HCAR1: variants seen among roughly 807,000 people sequenced by gnomAD.
HCAR1 encodes the protein G protein-coupled receptor 104.
For missense variants in HCAR1, 445 were observed against 448.7 expected, an observed-to-expected ratio of 0.99 and a Z score of 0.07; for synonymous variants, 183 against 182.1, an observed-to-expected ratio of 1.01 and a Z score of -0.04.
Position 122,730,394 on chromosome 12 carries a change from G to A in HCAR1, c.-55C>T. 2 of 1,372,018 alleles carry A rather than the reference G, an allele frequency of 1.5e-6. No individual in the cohort carries two copies. Among genetic ancestry groups the A allele is most frequent in the South Asian group, 1.4e-5 (1 of 69,628 alleles). 85.0% of individuals were successfully genotyped at this position (1,372,018 alleles called of 1,614,324 possible). A position where few individuals can be genotyped will look rare whatever the true frequency, so the allele number is the denominator to read the frequency against. On this transcript the variant is annotated 5_prime_UTR_variant, in exon 1 of 1. Coordinates refer to ENST00000432564, the MANE Select transcript of HCAR1 (RefSeq NM_032554.4). ...GAGCAGCCCAGGGAGTCCCCACAATGGCACAGATGCTTATCTGAGCGTTAG... is the reference window on the plus strand; with the variant it reads ...GAGCAGCCCAGGGAGTCCCCACAATAGCACAGATGCTTATCTGAGCGTTAG...
chr12:122,730,200 C>G lies in HCAR1; in HGVS notation c.140G>C (p.Trp47Ser). 1 of 1,614,180 alleles carries G rather than the reference C, an allele frequency of 6.2e-7. No homozygotes were observed. The highest frequency in any genetic ancestry group is 8.5e-7 in the Non-Finnish European group (1 of 1,180,028). Residue 47 changes from tryptophan to serine, a missense_variant, in exon 1 of 1, where the codon TGG becomes TCG. By Grantham distance (177) the Trp-to-Ser change is radical (BLOSUM62 -3). Transcript: ENST00000432564. ...LCGFCFHMKT[W>S]KPSTVYLFNL... ...GAAAAGGTAAACAGTGCTGGGCTTC[C>G]AGGTCTTCATGTGGAAGCAGAAACC...
chr12:122,729,877 G>A lies in HCAR1; in HGVS notation c.463C>T (p.His155Tyr), dbSNP rs764991045. ...LGTVYLLLEN[H>Y]LCVQETAVSC... is the part of the protein sequence containing the mutation. ...ACGGCCGTCTCTTGCACGCAGAGAT[G>A]GTTCTCCAGCAAAAGATACACTGTT... Residue 155 changes from histidine (H) to tyrosine (Y), a missense_variant, in exon 1 of 1, where the codon CAT becomes TAT. Coordinates refer to ENST00000432564, the MANE Select transcript of HCAR1 (RefSeq NM_032554.4). 2 of 1,611,268 alleles carry A rather than the reference G, an allele frequency of 1.2e-6. No individual in the cohort carries two copies. The highest frequency in any genetic ancestry group is 8.5e-7 in the Non-Finnish European group (1 of 1,178,232).
Position 122,729,737 on chromosome 12 carries a change from CCAAA to C in HCAR1, c.599_602del (p.Val200GlyfsTer3), listed in dbSNP as rs781034960. The C allele has an allele frequency of 1.9e-6, 3 of 1,613,378 alleles. No individual in the cohort carries two copies. The highest frequency in any genetic ancestry group is 2.5e-6 in the Non-Finnish European group (3 of 1,180,016). On this transcript the variant is annotated frameshift_variant, in exon 1 of 1. Coordinates refer to ENST00000432564, the MANE Select transcript of HCAR1 (RefSeq NM_032554.4). LOFTEE classifies it low-confidence loss of function (END_TRUNC). ...CCAGCTGCTGCCTCCGCCTCAGGCT[CCAAA>C]CAATCTTGAAGGAGCAAAATAAGAT...
rs139899793 is a variant in HCAR1 at position 122,730,152 on chromosome 12, A to G, written c.188T>C (p.Leu63Pro). 1.9e-6 allele frequency: 3 copies of G among 1,614,062 alleles called. No homozygotes were observed. Among genetic ancestry groups the G allele is most frequent in the Non-Finnish European group, 2.5e-6 (3 of 1,180,040 alleles). ...CCGAAAAGGCAGGCAGATCATAAGGAGGAAATCAGCCACGGCCAAATTGAA... is the reference window on the plus strand; with the variant it reads ...CCGAAAAGGCAGGCAGATCATAAGGGGGAAATCAGCCACGGCCAAATTGAA... ...YLFNLAVADFLLMICLPFRTD... is the reference protein window; with the variant it reads ...YLFNLAVADFPLMICLPFRTD... The change falls in exon 1 of 1, where the codon CTC (leucine) becomes CCC (proline). Residue 63 changes from leucine (L) to proline (P), a missense_variant. Leu to Pro is a moderately conservative substitution (Grantham distance 98). Coordinates refer to ENST00000432564, the MANE Select transcript of HCAR1 (RefSeq NM_032554.4).
chr12:122,730,375 C>T lies in HCAR1; in HGVS notation c.-36G>A. The T allele has an allele frequency of 6.8e-7, 1 of 1,481,372 alleles. No homozygotes were observed. 91.8% of individuals were successfully genotyped at this position (1,481,372 alleles called of 1,614,324 possible). A position where few individuals can be genotyped will look rare whatever the true frequency, so the allele number is the denominator to read the frequency against. ...GAGCAAGTGTCCGGGTGCAGAGCAG[C>T]CCAGGGAGTCCCCACAATGGCACAG... On this transcript the variant is annotated 5_prime_UTR_variant, in exon 1 of 1. Transcript: ENST00000432564.
Position 122,729,926 on chromosome 12 carries a change from G to C in HCAR1, c.414C>G (p.Thr138=). ...TTCCCAGGATGACCAGGGCCCACAG[G>C]GTGCAGACGATGCCAGCCGCCACCC... is the stretch of plus-strand genomic sequence containing the variant. The part of the protein sequence containing the change: ...STRVAAGIVC[T]LWALVILGTV... The change falls in exon 1 of 1, where the codon ACC becomes ACG. Residue 138 remains threonine, a synonymous_variant. Transcript: ENST00000432564. 1 of 1,612,726 alleles carries C rather than the reference G, an allele frequency of 6.2e-7. No individual in the cohort carries two copies. Among genetic ancestry groups the C allele is most frequent in the Non-Finnish European group, 8.5e-7 (1 of 1,179,068 alleles).
In HCAR1 at chr12:122,727,871, G is replaced by C. The variant is rs1270112376; in HGVS notation, c.*1428C>G. The C allele has an allele frequency of 6.6e-6, 1 of 152,194 alleles. No individual in the cohort carries two copies. 9.4% of individuals were successfully genotyped at this position (152,194 alleles called of 1,614,324 possible). On this transcript the variant is annotated 3_prime_UTR_variant, in exon 1 of 1. Transcript: ENST00000432564. ...CACCACTTTGTAGCTTGAGAAAGGA[G>C]CTAGAGTTGGCCTGGAATGTTTCCC...
chr12:122,729,216 G>T lies in HCAR1; in HGVS notation c.*83C>A. On this transcript the variant is annotated 3_prime_UTR_variant, in exon 1 of 1. Coordinates refer to ENST00000432564, the MANE Select transcript of HCAR1 (RefSeq NM_032554.4). Reference sequence around the variant, plus strand: ...CGTCTTGCAATAAGAAAGGGGGGTGGCATTTTCAAAGCCCCCGACCCCTTA... The same window carrying T: ...CGTCTTGCAATAAGAAAGGGGGGTGTCATTTTCAAAGCCCCCGACCCCTTA... 1 of 1,249,650 alleles carries T rather than the reference G, an allele frequency of 8.0e-7. No homozygotes were observed. Among genetic ancestry groups the T allele is most frequent in the Non-Finnish European group, 1.1e-6 (1 of 884,324 alleles). 77.4% of individuals were successfully genotyped at this position (1,249,650 alleles called of 1,614,324 possible).
rs760161085 is a variant in HCAR1 at position 122,727,432 on chromosome 12, G to C, written c.*1867C>G. 6.6e-6 allele frequency: 1 copy of C among 152,078 alleles called. No homozygotes were observed. Among genetic ancestry groups the C allele is most frequent in the African/African-American group, 2.4e-5 (1 of 41,384 alleles). The allele number at this position is 152,078 out of a possible 1,614,324, so 9.4% of individuals were successfully genotyped here. A position where few individuals can be genotyped will look rare whatever the true frequency, so the allele number is the denominator to read the frequency against. On this transcript the variant is annotated 3_prime_UTR_variant, in exon 1 of 1. Coordinates refer to ENST00000432564, the MANE Select transcript of HCAR1 (RefSeq NM_032554.4). ...AAAGGAATAATAGGGACAGCCTAGA[G>C]GGGTGTTTTGAGGCCAAAGAACTAG...
In HCAR1 at chr12:122,730,039, C is replaced by A. The variant is rs139090131; in HGVS notation, c.301G>T (p.Gly101Trp). 7.4e-6 allele frequency: 12 copies of A among 1,614,084 alleles called. No homozygotes were observed. The highest frequency in any genetic ancestry group is 9.3e-6 in the Non-Finnish European group (11 of 1,180,010). The change falls in exon 1 of 1, where the codon GGG becomes TGG. Residue 101 changes from glycine to tryptophan, a missense_variant. Transcript: ENST00000432564. ...ACCACCGTAAGGAACACGATGCTCCCGGCCCTGTTCATGGCCAACGTGAAG... is the reference window on the plus strand; with the variant it reads ...ACCACCGTAAGGAACACGATGCTCCAGGCCCTGTTCATGGCCAACGTGAAG... ...GLFTLAMNRA[G>W]SIVFLTVVAA...
chr12:122,729,380 G>T lies in HCAR1; in HGVS notation c.960C>A (p.Arg320=), dbSNP rs370155330. Residue 320 remains arginine, a synonymous_variant, in exon 1 of 1, where the codon CGC becomes CGA. Coordinates refer to ENST00000432564, the MANE Select transcript of HCAR1 (RefSeq NM_032554.4). ...PEEMPISNLG[R]RSCISVANSF... is the part of the protein sequence containing the mutation. ...TATTTGCCACACTGATGCAACTCCT[G>T]CGACCGAGGTTCGAAATTGGCATCT... The T allele has an allele frequency of 2.5e-6, 4 of 1,614,026 alleles. No homozygotes were observed. The African/African-American group carries it at 4.0e-5, about 16-fold the overall frequency.
In HCAR1 at chr12:122,730,313, G is replaced by T. The variant is rs1448934715; in HGVS notation, c.27C>A (p.Ile9=). 4 of 1,590,436 alleles carry T rather than the reference G, an allele frequency of 2.5e-6. No homozygotes were observed. Among genetic ancestry groups the T allele is most frequent in the African/African-American group, 1.3e-5 (1 of 74,306 alleles). The change falls in exon 1 of 1, where the codon ATC becomes ATA. Residue 9 remains isoleucine, a synonymous_variant. Transcript: ENST00000432564. ...TCACCTGGGAGATGGTGTCCCCCTC[G>T]ATGCGGCAGCACGACCCGTTGTACA... The part of the protein sequence containing the change: MYNGSCCR[I]EGDTISQVMP...
At position 122,730,561 on chromosome 12, in the gene HCAR1, G is replaced by T; in HGVS notation, c.-222C>A. 1 of 438,036 alleles carries T rather than the reference G, an allele frequency of 2.3e-6. No homozygotes were observed. The highest frequency in any genetic ancestry group is 3.5e-5 in the East Asian group (1 of 28,210). The allele number at this position is 438,036 out of a possible 1,614,324, so 27.1% of individuals were successfully genotyped here. A position where few individuals can be genotyped will look rare whatever the true frequency, so the allele number is the denominator to read the frequency against. ...CAGGGAGGTCCTTTCTCTGGAGCCC[G>T]TCTCACAAGCCGCCTGCCTCTGGGA... On this transcript the variant is annotated 5_prime_UTR_variant, in exon 1 of 1. Transcript: ENST00000432564.
At position 122,730,300 on chromosome 12, in the gene HCAR1, T is replaced by C. The variant is rs1386021339; in HGVS notation, c.40A>G (p.Ile14Val). The C allele has an allele frequency of 6.3e-7, 1 of 1,598,924 alleles. No individual in the cohort carries two copies. The highest frequency in any genetic ancestry group is 2.2e-5 in the East Asian group (1 of 44,600). Reference protein sequence around the residue: ...GSCCRIEGDTISQVMPPLLIV... With the variant: ...GSCCRIEGDTVSQVMPPLLIV... ...AGCAGCGGCGGCATCACCTGGGAGA[T>C]GGTGTCCCCCTCGATGCGGCAGCAC... is the stretch of plus-strand genomic sequence containing the variant. The change falls in exon 1 of 1, where the codon ATC (isoleucine) becomes GTC (valine). Residue 14 changes from isoleucine to valine, a missense_variant. Physicochemically the swap from Ile to Val is conservative, Grantham distance 29 (BLOSUM62 3). Transcript: ENST00000432564.
At position 122,730,209 on chromosome 12, in the gene HCAR1, A is replaced by T; in HGVS notation, c.131T>A (p.Met44Lys). Residue 44 changes from methionine to lysine, a missense_variant, in exon 1 of 1, where the codon ATG becomes AAG. Physicochemically the swap from Met to Lys is moderately conservative, Grantham distance 95. Transcript: ENST00000432564. ...GVALCGFCFH[M>K]KTWKPSTVYL... Reference sequence around the variant, plus strand: ...AACAGTGCTGGGCTTCCAGGTCTTCATGTGGAAGCAGAAACCACACAGGGC... The same window carrying T: ...AACAGTGCTGGGCTTCCAGGTCTTCTTGTGGAAGCAGAAACCACACAGGGC... 1 of 1,614,204 alleles carries T rather than the reference A, an allele frequency of 6.2e-7. No individual in the cohort carries two copies. Among genetic ancestry groups the T allele is most frequent in the Non-Finnish European group, 8.5e-7 (1 of 1,180,034 alleles).
In HCAR1 at chr12:122,730,252, C is replaced by T. The variant is rs1443458032; in HGVS notation, c.88G>A (p.Ala30Thr). The change falls in exon 1 of 1, where the codon GCA (alanine) becomes ACA (threonine). Residue 30 changes from alanine to threonine, a missense_variant. Physicochemically the swap from Ala to Thr is moderately conservative, Grantham distance 58. Transcript: ENST00000432564. ...CACAGGGCGACCCCATTGCCTAGTGCGCCCAGCACAAAGGCCACAATGAGC... is the reference window on the plus strand; with the variant it reads ...CACAGGGCGACCCCATTGCCTAGTGTGCCCAGCACAAAGGCCACAATGAGC... Reference protein sequence around the residue: ...PLLIVAFVLGALGNGVALCGF... With the variant: ...PLLIVAFVLGTLGNGVALCGF... The T allele has an allele frequency of 2.5e-6, 4 of 1,612,856 alleles. No individual in the cohort carries two copies. Among genetic ancestry groups the T allele is most frequent in the Admixed American group, 1.7e-5 (1 of 59,928 alleles).
At position 122,729,064 on chromosome 12, in the gene HCAR1, T is replaced by C. The variant is rs536154445; in HGVS notation, c.*235A>G. ...TCCACTCCATGCACATTCTGTCCCCTGCCATTGTGATCAGATAAGAAAATG... is the reference window on the plus strand; with the variant it reads ...TCCACTCCATGCACATTCTGTCCCCCGCCATTGTGATCAGATAAGAAAATG... On this transcript the variant is annotated 3_prime_UTR_variant, in exon 1 of 1. Transcript: ENST00000432564. 7 of 562,736 alleles carry C rather than the reference T, an allele frequency of 1.2e-5. No individual in the cohort carries two copies. The East Asian group carries it at 2.1e-4, about 17-fold the overall frequency. The allele number at this position is 562,736 out of a possible 1,614,324, so 34.9% of individuals were successfully genotyped here.
rs748660233 is a variant in HCAR1, at chr12:122,730,076, G to T, written c.264C>A (p.Cys88Ter). The T allele has an allele frequency of 6.2e-7, 1 of 1,614,142 alleles. No individual in the cohort carries two copies. Residue 88 changes from cysteine (C) to a stop codon, truncating the protein, a stop_gained, in exon 1 of 1, where the codon TGC becomes TGA. Transcript: ENST00000432564. LOFTEE classifies it low-confidence loss of function (END_TRUNC). ...RRHWAFGDIP[C>*]RVGLFTLAMN... ...TGGCCAACGTGAAGAGCCCCACTCGGCAGGGAATGTCCCCAAAAGCCCAGT... is the reference window on the plus strand; with the variant it reads ...TGGCCAACGTGAAGAGCCCCACTCGTCAGGGAATGTCCCCAAAAGCCCAGT...
chr12:122,730,543 GTCCTTTCTC>G lies in HCAR1; in HGVS notation c.-213_-205del. ...GCCAGGAAATGAGAGACCCAGGGAG[GTCCTTTCTC>G]TGGAGCCCGTCTCACAAGCCGCCTG... On this transcript the variant is annotated 5_prime_UTR_variant, in exon 1 of 1. Coordinates refer to ENST00000432564, the MANE Select transcript of HCAR1 (RefSeq NM_032554.4). The G allele has an allele frequency of 2.2e-6, 1 of 451,822 alleles. No individual in the cohort carries two copies. Among genetic ancestry groups the G allele is most frequent in the Non-Finnish European group, 4.0e-6 (1 of 249,276 alleles). The allele number at this position is 451,822 out of a possible 1,614,324, so 28.0% of individuals were successfully genotyped here.
Sources: gnomAD v4.1 joint callset for allele counts on GRCh38, gnomAD v4.1.1 for gene constraint, MANE v1.5 for transcripts, NCBI Gene and HGNC (gene_info 2026-07-23, HGNC 2026-07-21) for gene names.